The following NLRP9 variants were observed in gnomAD, a reference collection of about 807,000 sequenced individuals.
The protein encoded by NLRP9 is NACHT, LRR and PYD domains-containing protein 9.
NLRP9 carries 88 observed loss-of-function variants against 83.1 expected under a neutral mutation model. The observed-to-expected ratio is 1.06, with a 90% CI of 0.89 to 1.26. The LOEUF (loss-of-function observed/expected upper bound fraction) is 1.26, where lower values mean the gene tolerates loss of function less well. NLRP9 is among the 50% of genes most tolerant of loss of function. The pLI is 0.00. For synonymous variants in NLRP9, 521 were observed against 447.6 expected, an observed-to-expected ratio of 1.16 and a Z score of -2.07; for missense variants, 1,308 against 1,179.3, an observed-to-expected ratio of 1.11 and a Z score of -1.60.
intron 4 of NLRP9, among the ~76,000 whole-genome samples, chr19:55,720,702 T>A (rs1388839124): frequency 6.6e-6 from 1 of 152,190 alleles, no homozygotes; most frequent in Admixed American, 6.5e-5. Flanking sequence ...AGAATCTCTC[T>A]TAATTCAAAG....
At chr19:55,724,337 T>C (rs1988335757) in intron 3 of NLRP9, among the ~76,000 whole-genome samples, 193 bp from the exon 4 acceptor site, 1 of 152,284 alleles carries the variant, frequency 6.6e-6, no homozygotes, top group South Asian at 2.1e-4. Context: ...CTCAAGCTGC[T>C]TAGAACTTTC....
chr19:55,726,193 G>A (rs973214005), intron 3 of NLRP9, among the ~76,000 whole-genome samples: 19 of 152,226 alleles, frequency 1.2e-4, no homozygotes, highest in East Asian at 9.6e-4. Flanking sequence ...AATGCCAACC[G>A]TCAGCCAGCA....
intron 1 of NLRP9, among the ~76,000 whole-genome samples, chr19:55,736,531 G>A (rs1420004002): frequency 6.6e-6 from 1 of 152,014 alleles, no homozygotes; most frequent in Non-Finnish European, 1.5e-5. Flanking sequence ...CAGCAGAAAA[G>A]TCAAAGACAC....
chr19:55,716,197 TA>T (rs1340161798), intron 5 of NLRP9, among the ~76,000 whole-genome samples: 1 of 152,090 alleles, frequency 6.6e-6, no homozygotes, highest in East Asian at 1.9e-4. Flanking sequence ...AGTGTATGCA[TA>T]TATCAGAACA....
intron 2 of NLRP9, 72 bp downstream of exon 2, chr19:55,731,927 G>T: frequency 2.0e-6 from 2 of 977,742 alleles, no homozygotes; most frequent in Non-Finnish European, 3.1e-6. Flanking sequence ...TAAGGCCCAT[G>T]AAATACCCAC....
chr19:55,729,056 T>TC (rs1568601647), intron 3 of NLRP9, among the ~76,000 whole-genome samples: 1 of 138,746 alleles, frequency 7.2e-6, no homozygotes, highest in African/African-American at 2.9e-5. Context: ...TTTTCTTTTT[T>TC]TTTTTTTTTT....
Position 55,715,181 on chromosome 19 carries a change from G to T in NLRP9, c.2375C>A (p.Ser792Tyr). The T allele has an allele frequency of 6.2e-7, 1 of 1,613,404 alleles. No homozygotes were observed. Among genetic ancestry groups the T allele is most frequent in the Non-Finnish European group, 8.5e-7 (1 of 1,179,888 alleles). Residue 792 changes from serine to tyrosine, a missense_variant, in exon 6 of 9, where the codon TCC becomes TAC. Transcript: ENST00000332836. ...CLTSVSCDSI[S>Y]EVLLCSKSLS... ...GGACTTACTGCACAAGAGGACTTCGGAAATGGAGTCACAGGAGACAGAGGT... is the reference window on the plus strand; with the variant it reads ...GGACTTACTGCACAAGAGGACTTCGTAAATGGAGTCACAGGAGACAGAGGT...
intron 4 of NLRP9, among the ~76,000 whole-genome samples, chr19:55,721,804 G>C (rs778501434): frequency 6.6e-6 from 1 of 152,176 alleles, no homozygotes; most frequent in Non-Finnish European, 1.5e-5. Flanking sequence ...CACAAGGTCT[G>C]ATGGTTTTAT....
chr19:55,737,967 A>T, intron 1 of NLRP9, 128 bp downstream of exon 1: 2 of 894,010 alleles, frequency 2.2e-6, no homozygotes, highest in Non-Finnish European at 3.6e-6. Flanking sequence ...AACTCTTCCT[A>T]CCTTCAACTC....
In NLRP9 at chr19:55,711,824, G is replaced by A. The variant is rs1987739933; in HGVS notation, c.2819C>T (p.Pro940Leu). The change falls in exon 8 of 9, where the codon CCG (proline) becomes CTG (leucine). Residue 940 changes from proline (P) to leucine (L), a missense_variant. By Grantham distance (98) the Pro-to-Leu change is moderately conservative. Transcript: ENST00000332836. ...VVVLCEALSHPDCALQMLGLH... is the reference protein window; with the variant it reads ...VVVLCEALSHLDCALQMLGLH... Reference sequence around the variant, plus strand: ...CCCCAGCATCTGCAGGGCACAGTCCGGGTGGCTCAATGCCTCACACAGCAC... The same window carrying A: ...CCCCAGCATCTGCAGGGCACAGTCCAGGTGGCTCAATGCCTCACACAGCAC... 5 of 1,613,234 alleles carry A rather than the reference G, an allele frequency of 3.1e-6. No homozygotes were observed. The Middle Eastern group carries it at 4.9e-4, about 160-fold the overall frequency.
intron 6 of NLRP9, among the ~76,000 whole-genome samples, chr19:55,714,630 A>G (rs1349340024): frequency 6.6e-6 from 1 of 151,154 alleles, no homozygotes; most frequent in East Asian, 1.9e-4. Context: ...GTCTCAGTCT[A>G]TTTGGGCTGG....
chr19:55,736,318 G>T (rs1568605999), intron 1 of NLRP9, among the ~76,000 whole-genome samples: 1 of 152,212 alleles, frequency 6.6e-6, no homozygotes, highest in East Asian at 2.0e-4. Flanking sequence ...GGGAACCCGG[G>T]AGGCAGAGCT....
At chr19:55,738,068 G>T (rs1988831673) in intron 1 of NLRP9, 27 bp downstream of exon 1, 4 of 1,611,112 alleles carry the variant, frequency 2.5e-6, no homozygotes, top group Non-Finnish European at 3.4e-6. Flanking sequence ...TCCCCCATGG[G>T]TCCTCGCCCC....
At position 55,723,997 on chromosome 19, in the gene NLRP9, G is replaced by A. The variant is rs1988318131; in HGVS notation, c.2142C>T (p.Cys714=). 6.2e-7 allele frequency: 1 copy of A among 1,613,596 alleles called. No individual in the cohort carries two copies. ...GGACTTACATCAGCTCTTCTATCTT[G>A]CACATTGGATGTTTCAGCGTCTCAC... ...HLCETLKHPM[C]KIEELILGKC... Residue 714 remains cysteine (C), a synonymous_variant, in exon 4 of 9, where the codon TGC becomes TGT. Transcript: ENST00000332836.
intron 3 of NLRP9, among the ~76,000 whole-genome samples, chr19:55,724,732 C>T (rs577465601): frequency 1.5e-4 from 23 of 152,076 alleles, no homozygotes; most frequent in African/African-American, 4.3e-4. Flanking sequence ...GGCTGTGTGG[C>T]CCAGTCTCTT....
At chr19:55,709,128 C>T in intron 8 of NLRP9, 84 bp from the exon 9 acceptor site, 1 of 916,042 alleles carries the variant, frequency 1.1e-6, no homozygotes, top group Non-Finnish European at 1.6e-6. Flanking sequence ...TCTACCTCTC[C>T]TCTCCTCTTT....
At chr19:55,721,100 A>G (rs920373480) in intron 4 of NLRP9, among the ~76,000 whole-genome samples, 5 of 152,254 alleles carry the variant, frequency 3.3e-5, no homozygotes, top group Non-Finnish European at 2.9e-5. Context: ...GATTAAGTCT[A>G]GTTTCACTGG....
Position 55,732,843 on chromosome 19 carries a change from G to A in NLRP9, c.988C>T (p.Leu330=). 2 of 1,614,144 alleles carry A rather than the reference G, an allele frequency of 1.2e-6. No individual in the cohort carries two copies. The highest frequency in any genetic ancestry group is 1.7e-6 in the Non-Finnish European group (2 of 1,180,012). ...AAGGGATTATGGCACAAGATAAACAGCGGCCCATTATCTCTCACAAAATTG... is the reference window on the plus strand; with the variant it reads ...AAGGGATTATGGCACAAGATAAACAACGGCCCATTATCTCTCACAAAATTG... ...VFNFVRDNGP[L]FILCHNPFTC... The change falls in exon 2 of 9, where the codon CTG becomes TTG. Residue 330 remains leucine (L), a synonymous_variant. Transcript: ENST00000332836.
At chr19:55,715,361 C>A in intron 5 of NLRP9, 136 bp from the exon 6 acceptor site, 1 of 732,306 alleles carries the variant, frequency 1.4e-6, no homozygotes, top group Non-Finnish European at 2.2e-6. Flanking sequence ...CAAAACCTTT[C>A]CAGATGTTCC....
Sources: allele counts gnomAD v4.1 joint callset (sites outside exome capture counted in the v4.1 genomes callset), GRCh38; gene constraint gnomAD v4.1.1; transcripts MANE v1.5; gene names NCBI Gene and HGNC (gene_info 2026-07-23, HGNC 2026-07-21).